OR2A7: variants seen among roughly 807,000 people sequenced by gnomAD.
The protein encoded by OR2A7 is olfactory receptor family 2 subfamily A member 7, also known as olfactory receptor 2A7.
For missense variants in OR2A7, 35 were observed against 359.2 expected, an observed-to-expected ratio of 0.10 and a Z score of 7.30; for synonymous variants, 10 against 147.1, an observed-to-expected ratio of 0.07 and a Z score of 6.74.
rs10275843 is a variant in OR2A7, at chr7:144,259,464, G to A, written c.165C>T (p.His55=). The change falls in exon 2 of 2, where the codon CAC becomes CAT. Residue 55 remains histidine, a synonymous_variant. Coordinates refer to ENST00000641841, the MANE Select transcript of OR2A7 (RefSeq NM_001005328.2). ...GTGAGAGGAAGAAGTACATGGGGGC[G>A]TGCAGTCTGGAGTCCAGTGAGATGA... ...LGLISLDSRL[H]APMYFFLSHL... The A allele has an allele frequency of 4.8e-3, 7,421 of 1,548,836 alleles. 120 individuals are homozygous for A. In the African/African-American group the frequency reaches 0.073, roughly 15 times the overall value.
At chr7:144,259,917 T>G (rs1170268961) in intron 1 of OR2A7, among the ~76,000 whole-genome samples, 5 of 136,404 alleles carry the variant, frequency 3.7e-5, no homozygotes, top group African/African-American at 1.4e-4. Flanking sequence ...AGACCAGCAT[T>G]GACAACACGG....
At chr7:144,260,541 G>C (rs1327429775) in intron 1 of OR2A7, among the ~76,000 whole-genome samples, 2 of 151,806 alleles carry the variant, frequency 1.3e-5, no homozygotes, top group African/African-American at 4.8e-5. Context: ...TACACCAGTG[G>C]TCATTCACCT....
intron 1 of OR2A7, among the ~76,000 whole-genome samples, chr7:144,264,020 CTT>C (rs1189063095): frequency 2.1e-5 from 3 of 143,550 alleles, no homozygotes; most frequent in Non-Finnish European, 4.6e-5. Context: ...CTACATAACA[CTT>C]TGGTCGGTGA....
At chr7:144,260,152 C>T (rs1342770880) in intron 1 of OR2A7, among the ~76,000 whole-genome samples, 6 of 138,496 alleles carry the variant, frequency 4.3e-5, no homozygotes, top group Non-Finnish European at 8.1e-5. Context: ...AAAACGCATG[C>T]ACACGTATAC....
rs2052579585 is a variant in OR2A7 at position 144,257,840 on chromosome 7, T to C, written c.*856A>G. On this transcript the variant is annotated 3_prime_UTR_variant, in exon 2 of 2. Transcript: ENST00000641841. Reference sequence around the variant, plus strand: ...GCAGATGTATACTGAATCATATTTCTTAAAAATCTCAAATTTAGAAGATTG... The same window carrying C: ...GCAGATGTATACTGAATCATATTTCCTAAAAATCTCAAATTTAGAAGATTG... 6.6e-6 allele frequency: 1 copy of C among 151,332 alleles called. No homozygotes were observed. The highest frequency in any genetic ancestry group is 1.5e-5 in the Non-Finnish European group (1 of 67,986). 9.4% of individuals were successfully genotyped at this position (151,332 alleles called of 1,614,324 possible).
chr7:144,264,501 T>A (rs1209542717), intron 1 of OR2A7, among the ~76,000 whole-genome samples, 200 bp downstream of exon 1: 3 of 152,062 alleles, frequency 2.0e-5, no homozygotes, highest in Non-Finnish European at 4.4e-5. Flanking sequence ...CTGCAGATGA[T>A]CTGCCTACCT....
At chr7:144,261,007 TAGGA>T (rs201113623) in intron 1 of OR2A7, among the ~76,000 whole-genome samples, 5,021 of 144,738 alleles carry the variant, frequency 0.035, 64 homozygotes, top group Middle Eastern at 0.067. Context: ...GTCTTGGAGA[TAGGA>T]AGGATGAGCA....
intron 1 of OR2A7, among the ~76,000 whole-genome samples, chr7:144,261,350 G>A (rs1378358261): frequency 1.3e-5 from 2 of 149,344 alleles, no homozygotes; most frequent in African/African-American, 4.9e-5. Flanking sequence ...TAAAAATTAA[G>A]TGCTGGGCTA....
chr7:144,260,111 G>GAAAAAAAAAAAAAAAAAAAAAAAAA (rs1162605720), intron 1 of OR2A7, among the ~76,000 whole-genome samples: 1 of 87,656 alleles, frequency 1.1e-5, no homozygotes, highest in Non-Finnish European at 2.3e-5. Context: ...TCTGTCTCCA[G>GAAAAAAAAAAAAAAAAAAAAAAAAA]AAAAAAAAAA....
rs544688543 is a variant in OR2A7, at chr7:144,264,114, A to G, written c.-5+587T>C. On this transcript the variant is annotated intron_variant, in intron 1 of 1. Transcript: ENST00000641841. ...ATTGCCAACTGATGTCATAGCCGTA[A>G]TAATATTGTAGCACAATGCATTACT... Among the ~76,000 whole-genome samples, 8 of 151,474 alleles carry G rather than the reference A, an allele frequency of 5.3e-5. No homozygotes were observed. The South Asian group carries it at 1.5e-3, about 28-fold the overall frequency.
chr7:144,264,550 T>C (rs1303220975), intron 1 of OR2A7, among the ~76,000 whole-genome samples, 151 bp downstream of exon 1: 13 of 152,050 alleles, frequency 8.5e-5, no homozygotes, highest in Non-Finnish European at 1.3e-4. Context: ...TGTGAGCCAC[T>C]GTGCCTGGCC....
At chr7:144,262,265 GA>G (rs1422386566) in intron 1 of OR2A7, among the ~76,000 whole-genome samples, 1 of 150,342 alleles carries the variant, frequency 6.7e-6, no homozygotes, top group East Asian at 1.9e-4. Context: ...CTTTGTAACT[GA>G]AAGGATACAT....
At chr7:144,260,267 T>C (rs1410430207) in intron 1 of OR2A7, among the ~76,000 whole-genome samples, 1 of 146,936 alleles carries the variant, frequency 6.8e-6, no homozygotes, top group African/African-American at 2.4e-5. Context: ...AAAAAAAATT[T>C]GGCTCAGGCC....
At chr7:144,262,027 G>T (rs1450538970) in intron 1 of OR2A7, among the ~76,000 whole-genome samples, 1 of 151,684 alleles carries the variant, frequency 6.6e-6, no homozygotes, top group African/African-American at 2.4e-5. Context: ...AGAAGGGAAG[G>T]TGTTATTAAG....
At chr7:144,263,981 A>C (rs2128826951) in intron 1 of OR2A7, among the ~76,000 whole-genome samples, 1 of 142,898 alleles carries the variant, frequency 7.0e-6, no homozygotes, top group Non-Finnish European at 1.5e-5. Flanking sequence ...GTTTTTCACC[A>C]CTAAATATGA....
At chr7:144,264,162 T>C (rs2052674325) in intron 1 of OR2A7, among the ~76,000 whole-genome samples, 1 of 151,944 alleles carries the variant, frequency 6.6e-6, no homozygotes, top group Non-Finnish European at 1.5e-5. Flanking sequence ...GGATTGCTGC[T>C]GTAAACAATC....
chr7:144,259,855 C>T (rs1457846890), intron 1 of OR2A7: 2 of 317,210 alleles, frequency 6.3e-6, no homozygotes, highest in Non-Finnish European at 1.2e-5. Flanking sequence ...CGCCTGTAAT[C>T]CCAGCACTTT....
chr7:144,261,625 CAT>C (rs2052648959), intron 1 of OR2A7, among the ~76,000 whole-genome samples: 1 of 150,582 alleles, frequency 6.6e-6, no homozygotes, highest in South Asian at 2.1e-4. Flanking sequence ...TAACCATTAA[CAT>C]ATTGATTGCT....
chr7:144,260,520 C>T (rs1422553560), intron 1 of OR2A7, among the ~76,000 whole-genome samples: 5 of 151,752 alleles, frequency 3.3e-5, no homozygotes, highest in Non-Finnish European at 7.4e-5. Context: ...TTCGACATAC[C>T]ATCAGCCAAA....
Sources: allele counts gnomAD v4.1 joint callset (sites outside exome capture counted in the v4.1 genomes callset), GRCh38; gene constraint gnomAD v4.1.1; transcripts MANE v1.5; gene names NCBI Gene and HGNC (gene_info 2026-07-23, HGNC 2026-07-21).